ZFAND6: variants seen among roughly 807,000 people sequenced by gnomAD.
The protein encoded by ZFAND6 is zinc finger AN1-type containing 6.
ZFAND6 carries 12 observed loss-of-function variants against 24.5 expected under a neutral mutation model. The ratio of observed to expected loss-of-function variants is 0.49; its 90% CI spans 0.31 to 0.79. ZFAND6 has a LOEUF of 0.79. Ranked by LOEUF, ZFAND6 falls within the 30% of genes least tolerant of loss-of-function variation. The pLI is 0.04. For missense variants in ZFAND6, 207 were observed against 245.9 expected (o/e 0.84, Z 1.06); for synonymous variants, 92 against 81.5 (o/e 1.13, Z -0.69).
At chr15:80,135,429 C>A (rs904598579) in intron 6 of ZFAND6, among the ~76,000 whole-genome samples, 5 of 152,172 alleles carry the variant, frequency 3.3e-5, no homozygotes, top group Non-Finnish European at 5.9e-5. Context: ...TAAGAGTCAA[C>A]TGTACTGTGG....
intron 2 of ZFAND6, among the ~76,000 whole-genome samples, chr15:80,102,791 A>C (rs1227511998): frequency 6.6e-6 from 1 of 152,166 alleles, no homozygotes; most frequent in Non-Finnish European, 1.5e-5. Context: ...GGAGATACCA[A>C]AGGATAGGAA....
Position 80,137,616 on chromosome 15 carries a change from C to T in ZFAND6, c.615C>T (p.Ile205=). 6.3e-7 allele frequency: 1 copy of T among 1,584,314 alleles called. No homozygotes were observed. Among genetic ancestry groups the T allele is most frequent in the East Asian group, 2.3e-5 (1 of 44,112 alleles). Residue 205 remains isoleucine (I), a synonymous_variant, in exon 7 of 7, where the codon ATC becomes ATT. Coordinates refer to ENST00000261749, the MANE Select transcript of ZFAND6 (RefSeq NM_019006.4). ...KENPVVVGEK[I]QKI The stretch of plus-strand genomic sequence containing the variant: ...ATCCAGTAGTTGTTGGTGAAAAGAT[C>T]CAAAAGATTTGAACTCCTGCTGGAA...
chr15:80,098,885 A>G (rs1245579274), intron 2 of ZFAND6, among the ~76,000 whole-genome samples: 1 of 152,072 alleles, frequency 6.6e-6, no homozygotes, highest in African/African-American at 2.4e-5. Context: ...AATTCTTTAG[A>G]TTGCTGTTTA....
chr15:80,066,378 T>G (rs2036636432), intron 1 of ZFAND6, among the ~76,000 whole-genome samples: 1 of 151,260 alleles, frequency 6.6e-6, no homozygotes, highest in Non-Finnish European at 1.5e-5. Flanking sequence ...AGTGGTGTGG[T>G]CTTGGCTCGC....
chr15:80,128,200 A>G (rs1189114183), intron 5 of ZFAND6, among the ~76,000 whole-genome samples: 1 of 152,252 alleles, frequency 6.6e-6, no homozygotes, highest in Non-Finnish European at 1.5e-5. Context: ...TAATGAGTAC[A>G]GAGTTTTCCC....
At chr15:80,068,128 G>A (rs1249840990) in intron 1 of ZFAND6, among the ~76,000 whole-genome samples, 1 of 146,758 alleles carries the variant, frequency 6.8e-6, no homozygotes, top group East Asian at 2.1e-4. Flanking sequence ...CGCCTGGCCT[G>A]TTTTTTTTTT....
At chr15:80,095,141 CTTTA>C (rs2038644696) in intron 1 of ZFAND6, among the ~76,000 whole-genome samples, 1 of 152,280 alleles carries the variant, frequency 6.6e-6, no homozygotes, top group African/African-American at 2.4e-5. Context: ...TGCCACATCT[CTTTA>C]TTCTCCTTTA....
chr15:80,123,832 CA>C (rs1407523550), intron 5 of ZFAND6, among the ~76,000 whole-genome samples: 1 of 152,208 alleles, frequency 6.6e-6, no homozygotes, highest in African/African-American at 2.4e-5. Context: ...ATGATCGTGC[CA>C]CTGCACTCCA....
At chr15:80,104,651 T>C (rs1261806915) in intron 2 of ZFAND6, among the ~76,000 whole-genome samples, 13 of 152,222 alleles carry the variant, frequency 8.5e-5, no homozygotes, top group Admixed American at 2.6e-4. Flanking sequence ...AATCCTCTTA[T>C]GTTATCTGGG....
intron 1 of ZFAND6, among the ~76,000 whole-genome samples, chr15:80,069,366 C>G (rs2036843005): frequency 6.6e-6 from 1 of 152,136 alleles, no homozygotes; most frequent in Non-Finnish European, 1.5e-5. Flanking sequence ...TCCCTTGAGA[C>G]CTAAAACAAA....
chr15:80,098,004 C>T (rs2038830770), intron 1 of ZFAND6, among the ~76,000 whole-genome samples: 1 of 152,180 alleles, frequency 6.6e-6, no homozygotes, highest in Non-Finnish European at 1.5e-5. Context: ...ACAAAACAAT[C>T]TCATTCTCCC....
At position 80,122,754 on chromosome 15, in the gene ZFAND6, C is replaced by G. The variant is rs201635973; in HGVS notation, c.318C>G (p.Asp106Glu). The G allele has an allele frequency of 1.9e-6, 3 of 1,613,718 alleles. No homozygotes were observed. The African/African-American group carries it at 4.0e-5, about 22-fold the overall frequency. ...AATCTGTAGCATCTTCTCAATTGGA[C>G]AGTACATCTGTGGACAAAGCAGTAC... ...LSESVASSQL[D>E]STSVDKAVPE... The change falls in exon 5 of 7, where the codon GAC becomes GAG. Residue 106 changes from aspartate (D) to glutamate (E), a missense_variant. By Grantham distance (45) the Asp-to-Glu change is conservative. Coordinates refer to ENST00000261749, the MANE Select transcript of ZFAND6 (RefSeq NM_019006.4).
intron 2 of ZFAND6, among the ~76,000 whole-genome samples, chr15:80,101,949 C>T (rs1298899796): frequency 2.6e-5 from 4 of 151,704 alleles, no homozygotes; most frequent in South Asian, 2.1e-4. Flanking sequence ...CCTGCCACCA[C>T]GCCTGGCTAA....
chr15:80,063,264 CTAT>C (rs896855044), intron 1 of ZFAND6, among the ~76,000 whole-genome samples: 145 of 152,210 alleles, frequency 9.5e-4, no homozygotes, highest in African/African-American at 3.3e-3. Context: ...AACCCAAAAA[CTAT>C]TATTTCAACA....
intron 1 of ZFAND6, among the ~76,000 whole-genome samples, chr15:80,068,233 A>T (rs894338526): frequency 6.6e-6 from 1 of 150,966 alleles, no homozygotes; most frequent in Non-Finnish European, 1.5e-5. Flanking sequence ...CTGTAGTCTC[A>T]ACCTCCCTGG....
intron 1 of ZFAND6, among the ~76,000 whole-genome samples, chr15:80,076,053 T>C (rs2037255914): frequency 6.6e-6 from 1 of 152,170 alleles, no homozygotes; most frequent in African/African-American, 2.4e-5. Flanking sequence ...CTCTGTGTCT[T>C]TTGCAAATGT....
chr15:80,086,469 C>T (rs1245332050), intron 1 of ZFAND6, among the ~76,000 whole-genome samples: 3 of 152,202 alleles, frequency 2.0e-5, no homozygotes, highest in Middle Eastern at 3.2e-3. Flanking sequence ...ACATTTCTGT[C>T]ACCCAAAATA....
chr15:80,081,786 A>T (rs1464877062), intron 1 of ZFAND6, among the ~76,000 whole-genome samples: 2 of 152,208 alleles, frequency 1.3e-5, no homozygotes, highest in African/African-American at 4.8e-5. Context: ...TAAAATATGG[A>T]TGGAGGCAGC....
At chr15:80,085,829 C>A (rs1044263393) in intron 1 of ZFAND6, among the ~76,000 whole-genome samples, 1 of 151,980 alleles carries the variant, frequency 6.6e-6, no homozygotes, top group African/African-American at 2.4e-5. Context: ...CAGTGATGGA[C>A]TGCATATAGA....
Sources: allele counts gnomAD v4.1 joint callset (sites outside exome capture counted in the v4.1 genomes callset), GRCh38; gene constraint gnomAD v4.1.1; transcripts MANE v1.5; gene names NCBI Gene and HGNC (gene_info 2026-07-23, HGNC 2026-07-21).